The following DTX1 variants were observed in gnomAD, a reference collection of about 807,000 sequenced individuals.
DTX1 encodes the protein E3 ubiquitin-protein ligase DTX1.
DTX1 carries 26 observed loss-of-function variants against 57.8 expected under a neutral mutation model. The observed-to-expected ratio is 0.45, with a 90% confidence interval of 0.33 to 0.62. The LOEUF (loss-of-function observed/expected upper bound fraction) is 0.62. Among genes scored for constraint, DTX1 ranks in the 20% least tolerant of loss-of-function variants. DTX1 has a pLI of 0.02. For synonymous variants in DTX1, 398 were observed against 394.1 expected, an observed-to-expected ratio of 1.01 and a Z score of -0.12; for missense variants, 704 against 895.3, an observed-to-expected ratio of 0.79 and a Z score of 2.73.
In DTX1 at chr12:113,093,237, CAGGGCGGGAAAGA is replaced by C; in HGVS notation, c.1003+23_1003+35del. Reference sequence around the variant, plus strand: ...CGGCCCTGGCAGGTGAGGTCTGGCCCAGGGCGGGAAAGAAGGGCGGGGCCCACTAGGAGGCAGC... The same window carrying C: ...CGGCCCTGGCAGGTGAGGTCTGGCCCAGGGCGGGGCCCACTAGGAGGCAGC... On this transcript the variant is annotated intron_variant, in intron 4 of 9. Coordinates refer to ENST00000548759, the MANE Select transcript of DTX1 (RefSeq NM_004416.3). This position sits in a 1 kb window ranked among gnomAD's most constrained non-coding sequence, Gnocchi z 4.2. 1.9e-6 allele frequency: 3 copies of C among 1,586,676 alleles called. No individual in the cohort carries two copies. The highest frequency in any genetic ancestry group is 2.6e-6 in the Non-Finnish European group (3 of 1,166,674).
chr12:113,084,352 C>T (rs1048974261), intron 3 of DTX1, among the ~76,000 whole-genome samples: 12 of 152,164 alleles, frequency 7.9e-5, no homozygotes, highest in African/African-American at 2.7e-4. Context: ...TTCCATTTAT[C>T]GAGCGCTCCC....
chr12:113,081,587 T>C (rs2044817947), intron 3 of DTX1, among the ~76,000 whole-genome samples: 1 of 151,546 alleles, frequency 6.6e-6, no homozygotes, highest in Non-Finnish European at 1.5e-5. Flanking sequence ...TGGGACAGGG[T>C]GATGTGGGAA....
At chr12:113,061,145 C>T (rs2044660747) in intron 2 of DTX1, among the ~76,000 whole-genome samples, 2 of 152,138 alleles carry the variant, frequency 1.3e-5, no homozygotes, top group South Asian at 4.1e-4. Flanking sequence ...CAGCTCTGGT[C>T]ACTTCCCCTC....
chr12:113,069,751 C>T (rs2044727282), intron 2 of DTX1, among the ~76,000 whole-genome samples: 1 of 152,120 alleles, frequency 6.6e-6, no homozygotes, highest in African/African-American at 2.4e-5. Context: ...ACACACACCC[C>T]TGGGGCTGCT....
At chr12:113,064,719 T>C (rs1217079640) in intron 2 of DTX1, among the ~76,000 whole-genome samples, 1 of 152,258 alleles carries the variant, frequency 6.6e-6, no homozygotes, top group Non-Finnish European at 1.5e-5. Context: ...CATGAGGACA[T>C]AATGAGATAC....
At chr12:113,084,394 T>G (rs1462396108) in intron 3 of DTX1, among the ~76,000 whole-genome samples, 2 of 152,152 alleles carry the variant, frequency 1.3e-5, no homozygotes, top group East Asian at 3.9e-4. Flanking sequence ...CATGGCTTTT[T>G]TGTGTGTGTG....
Position 113,083,487 on chromosome 12 carries a change from G to A in DTX1, c.941+5382G>A, listed in dbSNP as rs570902796. Among the ~76,000 whole-genome samples the A allele has an allele frequency of 1.3e-3, 196 of 152,206 alleles. 1 individual carries two copies. Among genetic ancestry groups the A allele is most frequent in the African/African-American group, 4.4e-3 (181 of 41,516 alleles). On this transcript the variant is annotated intron_variant, in intron 3 of 9. Transcript: ENST00000548759. Reference sequence around the variant, plus strand: ...ATTACAGACACCTGCCACCATGACCGGCTATTTTTTGTATTTTTAGTAGAG... The same window carrying A: ...ATTACAGACACCTGCCACCATGACCAGCTATTTTTTGTATTTTTAGTAGAG...
intron 2 of DTX1, among the ~76,000 whole-genome samples, chr12:113,072,984 G>C (rs1419303651): frequency 1.3e-5 from 2 of 152,090 alleles, no homozygotes; most frequent in African/African-American, 4.8e-5. Flanking sequence ...TGGGATTACA[G>C]GCATGAGCCA....
chr12:113,088,326 T>C (rs750919269), intron 3 of DTX1, among the ~76,000 whole-genome samples: 3 of 152,242 alleles, frequency 2.0e-5, no homozygotes, highest in Non-Finnish European at 4.4e-5. Context: ...GGCTTAGCGG[T>C]AAGGCATGCC....
intron 2 of DTX1, among the ~76,000 whole-genome samples, chr12:113,065,484 G>T (rs961297147): frequency 6.6e-6 from 1 of 151,980 alleles, no homozygotes; most frequent in East Asian, 1.9e-4. Context: ...AGACCCCCTC[G>T]CAGCCCTCTC....
chr12:113,080,640 C>G (rs776025734), intron 3 of DTX1, among the ~76,000 whole-genome samples: 10 of 145,212 alleles, frequency 6.9e-5, no homozygotes, highest in Admixed American at 1.5e-4. Context: ...CAGAATAGAA[C>G]TAGAATAGAT....
intron 3 of DTX1, among the ~76,000 whole-genome samples, chr12:113,086,857 G>A (rs569336753): frequency 1.4e-5 from 2 of 142,710 alleles, no homozygotes; most frequent in South Asian, 4.6e-4. Flanking sequence ...CTAGCCACTG[G>A]TGTGCAGTGA....
At chr12:113,095,574 A>T in intron 9 of DTX1, 160 bp downstream of exon 9, 1 of 850,256 alleles carries the variant, frequency 1.2e-6, no homozygotes. Flanking sequence ...TCCTTCACAC[A>T]TCTTATCTCG....
intron 2 of DTX1, among the ~76,000 whole-genome samples, chr12:113,058,990 C>T (rs1227194780): frequency 6.6e-6 from 1 of 152,140 alleles, no homozygotes; most frequent in South Asian, 2.1e-4. Flanking sequence ...AAGTTCTTAA[C>T]TGGTATCCTA....
chr12:113,078,126 A>G (rs1232193534), intron 3 of DTX1, 21 bp downstream of exon 3: 14 of 1,327,462 alleles, frequency 1.1e-5, no homozygotes, highest in African/African-American at 3.1e-5. Context: ...GCCCAGGGGG[A>G]GGGGGCCTCT....
In DTX1 at chr12:113,097,231, A is replaced by C; in HGVS notation, c.*292A>C. ...CAAACACACATGTCCTGTTGAACTC[A>C]TGCACGCACACCCACGTGCCTGTAC... On this transcript the variant is annotated 3_prime_UTR_variant, in exon 10 of 10. Coordinates refer to ENST00000548759, the MANE Select transcript of DTX1 (RefSeq NM_004416.3). 1 of 389,580 alleles carries C rather than the reference A, an allele frequency of 2.6e-6. No individual in the cohort carries two copies. The highest frequency in any genetic ancestry group is 4.7e-6 in the Non-Finnish European group (1 of 212,918). The allele number at this position is 389,580 out of a possible 1,614,324, so 24.1% of individuals were successfully genotyped here.
intron 2 of DTX1, among the ~76,000 whole-genome samples, chr12:113,068,180 T>C (rs2044716748): frequency 6.6e-6 from 1 of 152,258 alleles, no homozygotes; most frequent in Non-Finnish European, 1.5e-5. Context: ...TCAGATGTAT[T>C]TGGTTATTCA....
intron 2 of DTX1, among the ~76,000 whole-genome samples, chr12:113,072,511 T>C (rs1428806024): frequency 6.6e-6 from 1 of 152,144 alleles, no homozygotes; most frequent in African/African-American, 2.4e-5. Flanking sequence ...TCAGCCATTG[T>C]AGCTGTATTC....
chr12:113,074,474 G>T (rs73427748), intron 2 of DTX1, among the ~76,000 whole-genome samples: 4,151 of 152,328 alleles, frequency 0.027, 107 homozygotes, highest in African/African-American at 0.065. Context: ...GGAGGCCAGG[G>T]TGGCTGGAAT....
Sources: allele counts gnomAD v4.1 joint callset (sites outside exome capture counted in the v4.1 genomes callset), GRCh38; gene constraint gnomAD v4.1.1; non-coding constraint Gnocchi (gnomAD v3.1); transcripts MANE v1.5; gene names NCBI Gene and HGNC (gene_info 2026-07-23, HGNC 2026-07-21).